The following CDH13 variants were observed in gnomAD, a reference collection of about 807,000 sequenced individuals.
CDH13 encodes the protein cadherin 13.
A neutral mutation model predicts 63.8 loss-of-function variants in CDH13; 24 were observed. The observed-to-expected ratio is 0.38, with a 90% confidence interval of 0.27 to 0.53. CDH13 has a LOEUF of 0.53. Ranked by LOEUF, CDH13 falls within the 20% of genes least tolerant of loss-of-function variation. The probability of loss-of-function intolerance (pLI) is 0.85; values close to 1 mark genes in which losing one functional copy is unlikely to be tolerated. For synonymous variants in CDH13, 503 were observed against 355.3 expected, an observed-to-expected ratio of 1.42 and a Z score of -4.67; for missense variants, 1,049 against 903.1, an observed-to-expected ratio of 1.16 and a Z score of -2.07.
At chr16:83,434,779 ATT>A (rs1246941951) in intron 6 of CDH13, among the ~76,000 whole-genome samples, 1 of 147,760 alleles carries the variant, frequency 6.8e-6, no homozygotes. Flanking sequence ...ATATGCCCCA[ATT>A]TCTCTCTTGG....
chr16:82,810,079 T>C (rs1323784716), intron 1 of CDH13, among the ~76,000 whole-genome samples: 2 of 152,198 alleles, frequency 1.3e-5, no homozygotes, highest in Non-Finnish European at 2.9e-5. Flanking sequence ...AGGAATTACT[T>C]AGTTGCTGAC....
At chr16:82,960,113 G>A (rs1176856740) in intron 2 of CDH13, among the ~76,000 whole-genome samples, 1 of 152,150 alleles carries the variant, frequency 6.6e-6, no homozygotes, top group Non-Finnish European at 1.5e-5. Context: ...TGCCAGTAGG[G>A]AGGGCAAATG....
chr16:83,737,693 A>C, intron 10 of CDH13, among the ~76,000 whole-genome samples: 1 of 152,218 alleles, frequency 6.6e-6, no homozygotes. Flanking sequence ...AACATGTTAA[A>C]AATGGAAAGG....
chr16:82,781,747 T>G (rs1471825356), intron 1 of CDH13, among the ~76,000 whole-genome samples: 1 of 152,180 alleles, frequency 6.6e-6, no homozygotes, highest in African/African-American at 2.4e-5. Context: ...CACTCATCCT[T>G]AAACAAAAAT....
rs982459451 is a variant in CDH13 at position 83,032,174 on chromosome 16, G to C, written c.322G>C (p.Glu108Gln). 8 of 1,613,630 alleles carry C rather than the reference G, an allele frequency of 5.0e-6. No individual in the cohort carries two copies. In the African/African-American group the frequency reaches 1.1e-4, roughly 22 times the overall value. ...GACCCCCCATGCGGAAGATATGGCAGAACTCGTGATTGTCGGGGGGAAAGA... is the reference window on the plus strand; with the variant it reads ...GACCCCCCATGCGGAAGATATGGCACAACTCGTGATTGTCGGGGGGAAAGA... Reference protein sequence around the residue: ...ARTPHAEDMAELVIVGGKDIQ... With the variant: ...ARTPHAEDMAQLVIVGGKDIQ... Residue 108 changes from glutamate to glutamine, a missense_variant, in exon 3 of 14, where the codon GAA (glutamate) becomes CAA (glutamine). By Grantham distance (29) the Glu-to-Gln change is conservative. Transcript: ENST00000567109.
chr16:83,196,783 C>T (rs1042609166), intron 4 of CDH13, among the ~76,000 whole-genome samples: 1 of 152,120 alleles, frequency 6.6e-6, no homozygotes, highest in African/African-American at 2.4e-5. Context: ...TTTTAAAAAG[C>T]AGTAACATCA....
intron 8 of CDH13, among the ~76,000 whole-genome samples, chr16:83,603,226 G>A (rs1226335538): frequency 6.6e-6 from 1 of 152,238 alleles, no homozygotes; most frequent in African/African-American, 2.4e-5. Flanking sequence ...TTTGCACTAA[G>A]CACATTCTGA....
At chr16:82,787,978 C>T (rs1320300265) in intron 1 of CDH13, among the ~76,000 whole-genome samples, 2 of 152,106 alleles carry the variant, frequency 1.3e-5, no homozygotes, top group African/African-American at 4.8e-5. Context: ...GTCACTGTGT[C>T]CTCCCTTCTG....
intron 4 of CDH13, among the ~76,000 whole-genome samples, chr16:83,174,175 G>A (rs1454460185): frequency 6.6e-6 from 1 of 152,048 alleles, no homozygotes; most frequent in African/African-American, 2.4e-5. Context: ...AGGAAGCAAT[G>A]TGTACTGAAA....
chr16:82,942,907 C>T lies in CDH13; in HGVS notation c.157+84434C>T, dbSNP rs190355474. 3.9e-5 allele frequency among the ~76,000 whole-genome samples: 6 copies of T among 152,262 alleles called. No homozygotes were observed. The East Asian group carries it at 1.2e-3, about 29-fold the overall frequency. On this transcript the variant is annotated intron_variant, in intron 2 of 13. Coordinates refer to ENST00000567109, the MANE Select transcript of CDH13 (RefSeq NM_001257.5). ...GCTATAATGTGGTGATGCTTGGACT[C>T]GTACTCAGTTCTGTTTAACTTCAGA...
At chr16:83,417,537 G>A (rs1381447002) in intron 6 of CDH13, among the ~76,000 whole-genome samples, 1 of 152,088 alleles carries the variant, frequency 6.6e-6, no homozygotes, top group Non-Finnish European at 1.5e-5. Context: ...TGACACCTCA[G>A]TTGCCATTTG....
intron 5 of CDH13, among the ~76,000 whole-genome samples, chr16:83,322,005 C>A (rs1027849446): frequency 6.6e-6 from 1 of 152,310 alleles, no homozygotes; most frequent in Admixed American, 6.5e-5. Context: ...ACAGAGGTAG[C>A]TGTGCAAGGC....
chr16:82,833,252 G>C (rs2038623469), intron 1 of CDH13, among the ~76,000 whole-genome samples: 1 of 152,180 alleles, frequency 6.6e-6, no homozygotes, highest in Non-Finnish European at 1.5e-5. Flanking sequence ...CTATCTTACT[G>C]TGTGCTGAGG....
chr16:83,773,891 AG>A (rs910755949), intron 11 of CDH13, among the ~76,000 whole-genome samples: 2 of 152,076 alleles, frequency 1.3e-5, no homozygotes, highest in African/African-American at 4.8e-5. Context: ...TTCTATAATA[AG>A]GTCCTGCTCC....
chr16:82,802,378 A>T (rs1490650540), intron 1 of CDH13, among the ~76,000 whole-genome samples: 2 of 152,104 alleles, frequency 1.3e-5, no homozygotes, highest in East Asian at 1.9e-4. Flanking sequence ...GCTTTACAGA[A>T]TGCTCTTTTC....
intron 6 of CDH13, among the ~76,000 whole-genome samples, chr16:83,467,616 T>C (rs545261043): frequency 1.5e-4 from 23 of 152,166 alleles, no homozygotes; most frequent in Non-Finnish European, 2.9e-4. Context: ...ACGCTGAAAC[T>C]TTCTTTGGGC....
intron 4 of CDH13, among the ~76,000 whole-genome samples, chr16:83,167,936 A>T (rs1378053754): frequency 6.6e-6 from 1 of 152,072 alleles, no homozygotes; most frequent in African/African-American, 2.4e-5. Context: ...TCCTAAGCGA[A>T]TTAATGCAGG....
chr16:82,857,874 C>T (rs1304226858), intron 1 of CDH13, among the ~76,000 whole-genome samples: 2 of 152,076 alleles, frequency 1.3e-5, no homozygotes, highest in African/African-American at 4.8e-5. Flanking sequence ...CAGTAGCCAC[C>T]GGTGGTTCAT....
chr16:83,585,015 C>A (rs561505510), intron 7 of CDH13, among the ~76,000 whole-genome samples: 16 of 152,186 alleles, frequency 1.1e-4, no homozygotes, highest in Non-Finnish European at 2.2e-4. Flanking sequence ...TCCCACCAGG[C>A]CCCACCTCCA....
Sources: gnomAD v4.1 joint callset for allele counts (sites outside exome capture counted in the v4.1 genomes callset) on GRCh38, gnomAD v4.1.1 for gene constraint, MANE v1.5 for transcripts, NCBI Gene and HGNC (gene_info 2026-07-23, HGNC 2026-07-21) for gene names.